CORO7: variants seen among roughly 807,000 people sequenced by gnomAD.
The protein encoded by CORO7 is coronin-7.
A neutral mutation model predicts 126.6 loss-of-function variants in CORO7; 107 were observed. The ratio of observed to expected loss-of-function variants is 0.85; its 90% CI spans 0.72 to 0.99. CORO7 has a LOEUF of 0.99. Among genes scored for constraint, CORO7 ranks in the 50% least tolerant of loss-of-function variants. The pLI is 0.00. For synonymous variants in CORO7, 603 were observed against 536.8 expected (o/e 1.12, Z -1.70); for missense variants, 1,314 against 1,255.8 (o/e 1.05, Z -0.70).
Position 4,412,348 on chromosome 16 carries a change from C to T in CORO7, c.232+8G>A, listed in dbSNP as rs551811613. On this transcript the variant is annotated splice_region_variant and intron_variant, in intron 3 of 27. Transcript: ENST00000251166. ...CAGGCTTCACCCACTAGTCAGACAC[C>T]CACTCACCTGAATGGCAGCCCAGGT... 6.2e-7 allele frequency: 1 copy of T among 1,614,032 alleles called. No homozygotes were observed. Among genetic ancestry groups the T allele is most frequent in the South Asian group, 1.1e-5 (1 of 91,074 alleles).
At chr16:4,366,918 T>C (rs2054366207) in intron 9 of CORO7, among the ~76,000 whole-genome samples, 1 of 152,050 alleles carries the variant, frequency 6.6e-6, no homozygotes, top group South Asian at 2.1e-4. Flanking sequence ...CAGGACCCCG[T>C]CCCCACTGTG....
At chr16:4,391,429 G>A (rs1336569278) in intron 7 of CORO7, among the ~76,000 whole-genome samples, 4 of 152,144 alleles carry the variant, frequency 2.6e-5, no homozygotes, top group Non-Finnish European at 4.4e-5. Flanking sequence ...GGTGGCAGGC[G>A]CCTGTAATCC....
At chr16:4,355,432 A>C (rs1596262564) in intron 26 of CORO7, 60 bp from the exon 27 acceptor site, 1 of 1,526,380 alleles carries the variant, frequency 6.6e-7, no homozygotes, top group Non-Finnish European at 8.9e-7. Context: ...TCCCTCTCCC[A>C]CTCCAAGAAC....
rs905051908 is a variant in CORO7 at position 4,361,454 on chromosome 16, G to A, written c.1594C>T (p.Arg532Cys). 15 of 1,611,814 alleles carry A rather than the reference G, an allele frequency of 9.3e-6. No individual in the cohort carries two copies. Among genetic ancestry groups the A allele is most frequent in the Non-Finnish European group, 1.2e-5 (14 of 1,179,788 alleles). ...GTGGGCAGTGCCGTGTCGGGCAGGCGGCCAGGCTTCCGTAGCTGTGGGAGG... is the reference window on the plus strand; with the variant it reads ...GTGGGCAGTGCCGTGTCGGGCAGGCAGCCAGGCTTCCGTAGCTGTGGGAGG... ...VAVLELRKPG[R>C]LPDTALPTLQ... The change falls in exon 17 of 28, where the codon CGC becomes TGC. Residue 532 changes from arginine to cysteine, a missense_variant. Physicochemically the swap from Arg to Cys is radical, Grantham distance 180. Coordinates refer to ENST00000251166, the MANE Select transcript of CORO7 (RefSeq NM_024535.5).
chr16:4,408,335 A>G, intron 3 of CORO7, 84 bp from the exon 4 acceptor site: 1 of 1,584,400 alleles, frequency 6.3e-7, no homozygotes, highest in Non-Finnish European at 8.6e-7. Context: ...CCGAGGTGAC[A>G]CTTTTGTGTG....
Position 4,359,294 on chromosome 16 carries a change from A to G in CORO7, c.2340+2T>C. ...GGGGACGAGGCGCCAGGGTGGCCTC[A>G]CCTTGTGGGGGTCAGGCGACGTGAA... On this transcript the variant is annotated splice_donor_variant, in intron 23 of 27. Coordinates refer to ENST00000251166, the MANE Select transcript of CORO7 (RefSeq NM_024535.5). LOFTEE classifies it high-confidence loss of function. 3 of 1,601,534 alleles carry G rather than the reference A, an allele frequency of 1.9e-6. No individual in the cohort carries two copies. Among genetic ancestry groups the G allele is most frequent in the African/African-American group, 1.3e-5 (1 of 74,986 alleles).
At chr16:4,379,880 T>TAAA (rs34020450) in intron 9 of CORO7, among the ~76,000 whole-genome samples, 4 of 109,178 alleles carry the variant, frequency 3.7e-5, no homozygotes, top group Non-Finnish European at 5.4e-5. Context: ...CTGTCTCTAC[T>TAAA]AAAAAAAAAA....
At position 4,382,109 on chromosome 16, in the gene CORO7, C is replaced by T. The variant is rs767933921; in HGVS notation, c.785+5877G>A. 88 of 1,584,870 alleles carry T rather than the reference C, an allele frequency of 5.6e-5. 1 individual carries two copies. Among genetic ancestry groups the T allele is most frequent in the Admixed American group, 5.2e-4 (30 of 57,284 alleles). On this transcript the variant is annotated intron_variant, in intron 9 of 27. Coordinates refer to ENST00000251166, the MANE Select transcript of CORO7 (RefSeq NM_024535.5). ...GTCCCCCAGCCCCAGGACTGCCCAC[C>T]GTCCACCTGCCTCAATGGGGGCACA... is the stretch of plus-strand genomic sequence containing the variant.
Position 4,382,181 on chromosome 16 carries a change from G to C in CORO7, c.785+5805C>G, listed in dbSNP as rs141743670. On this transcript the variant is annotated intron_variant, in intron 9 of 27. Coordinates refer to ENST00000251166, the MANE Select transcript of CORO7 (RefSeq NM_024535.5). ...CACCTGGCGTGCTTGTGCCCCGAAGGCTTCACGGGCCTGTACTGTGAGAGC... is the reference window on the plus strand; with the variant it reads ...CACCTGGCGTGCTTGTGCCCCGAAGCCTTCACGGGCCTGTACTGTGAGAGC... 65 of 1,598,146 alleles carry C rather than the reference G, an allele frequency of 4.1e-5. No homozygotes were observed. In the African/African-American group the frequency reaches 8.0e-4, roughly 20 times the overall value.
chr16:4,376,475 G>A (rs2054735497), intron 9 of CORO7, among the ~76,000 whole-genome samples: 1 of 152,172 alleles, frequency 6.6e-6, no homozygotes, highest in Admixed American at 6.5e-5. Flanking sequence ...CACAGGAGGG[G>A]CGTACTGGCC....
intron 17 of CORO7, 31 bp from the exon 18 acceptor site, chr16:4,361,279 C>T: frequency 6.2e-7 from 1 of 1,611,858 alleles, no homozygotes. Context: ...CTCATCATTG[C>T]TGAGCCCAAG....
In CORO7 at chr16:4,365,471, AGCCCCAGCTTCTCACTCACCTTTCCT is replaced by A; in HGVS notation, c.834_840+19del. The A allele has an allele frequency of 2.0e-6, 3 of 1,529,564 alleles. No homozygotes were observed. Among genetic ancestry groups the A allele is most frequent in the Non-Finnish European group, 2.6e-6 (3 of 1,138,780 alleles). 94.7% of individuals were successfully genotyped at this position (1,529,564 alleles called of 1,614,324 possible). A position where few individuals can be genotyped will look rare whatever the true frequency, so the allele number is the denominator to read the frequency against. ...ACTCCAGGCTGTGGATGTGGGTGGG[AGCCCCAGCTTCTCACTCACCTTTCCT>A]GCCAGGACCAGGAGCCCAGAGTCAG... On this transcript the variant is annotated splice_donor_variant and splice_donor_5th_base_variant and coding_sequence_variant and intron_variant, in exon 10 of 28. Transcript: ENST00000251166. LOFTEE classifies it high-confidence loss of function.
chr16:4,399,872 T>C (rs1399235677), intron 6 of CORO7, among the ~76,000 whole-genome samples: 3 of 152,098 alleles, frequency 2.0e-5, no homozygotes, highest in South Asian at 4.1e-4. Context: ...TTTTATGATA[T>C]GTGTTTTCTT....
intron 9 of CORO7, among the ~76,000 whole-genome samples, chr16:4,376,594 C>T (rs1050503764): frequency 6.6e-6 from 1 of 152,180 alleles, no homozygotes; most frequent in African/African-American, 2.4e-5. Context: ...TCACCAGATG[C>T]CTGGGTCCCA....
intron 7 of CORO7, among the ~76,000 whole-genome samples, chr16:4,393,401 G>A (rs1035693293): frequency 1.5e-4 from 23 of 152,180 alleles, no homozygotes; most frequent in Non-Finnish European, 3.4e-4. Context: ...ATGACGAAGA[G>A]GTCAGCCAGC....
chr16:4,406,493 C>A (rs921591712), intron 5 of CORO7, among the ~76,000 whole-genome samples: 3 of 151,654 alleles, frequency 2.0e-5, no homozygotes, highest in African/African-American at 7.3e-5. Context: ...GAGATTGTGT[C>A]TCACTATGTT....
chr16:4,416,473 G>A lies in CORO7; in HGVS notation c.46C>T (p.Pro16Ser), dbSNP rs2141347265. 7 of 1,576,924 alleles carry A rather than the reference G, an allele frequency of 4.4e-6. No individual in the cohort carries two copies. In the East Asian group the frequency reaches 1.5e-4, roughly 34 times the overall value. The change falls in exon 1 of 28, where the codon CCG (proline) becomes TCG (serine). Residue 16 changes from proline to serine, a missense_variant. Physicochemically the swap from Pro to Ser is moderately conservative, Grantham distance 74. Coordinates refer to ENST00000251166, the MANE Select transcript of CORO7 (RefSeq NM_024535.5). ...VSKFRHTEAR[P>S]PRRESWISDI... is the part of the protein sequence containing the mutation. ...GCCGGACTCACCTCGCGGCGGGGCG[G>A]CCGAGCCTCGGTGTGCCGGAACTTG...
chr16:4,369,313 T>C (rs1052594936), intron 9 of CORO7, among the ~76,000 whole-genome samples: 1 of 152,226 alleles, frequency 6.6e-6, no homozygotes, highest in Non-Finnish European at 1.5e-5. Flanking sequence ...GACCCCAGGC[T>C]GTGTGAAGAG....
At chr16:4,412,590 G>A (rs2056252679) in intron 2 of CORO7, 160 bp from the exon 3 acceptor site, 2 of 707,462 alleles carry the variant, frequency 2.8e-6, no homozygotes, top group Admixed American at 5.5e-5. Context: ...AATGGCCTGT[G>A]GGTAGGTTCT....
Sources: allele counts gnomAD v4.1 joint callset (sites outside exome capture counted in the v4.1 genomes callset), GRCh38; gene constraint gnomAD v4.1.1; transcripts MANE v1.5; gene names NCBI Gene and HGNC (gene_info 2026-07-23, HGNC 2026-07-21).